Variants in FNIP1 observed in about 807,000 individuals in gnomAD.
FNIP1 encodes folliculin-interacting protein 1.
A neutral mutation model predicts 124.5 loss-of-function variants in FNIP1; 40 were observed. The observed-to-expected ratio is 0.32, with a 90% CI of 0.25 to 0.42. FNIP1 has a LOEUF of 0.42. Among genes scored for constraint, FNIP1 ranks in the 10% least tolerant of loss-of-function variants. The pLI is 1.00. For synonymous variants in FNIP1, 472 were observed against 470.6 expected, an observed-to-expected ratio of 1.00 and a Z score of -0.04; for missense variants, 1,176 against 1,403.7, an observed-to-expected ratio of 0.84 and a Z score of 2.59.
Position 131,682,972 on chromosome 5 carries a change from G to A in FNIP1, c.1203-3797C>T, listed in dbSNP as rs144065001. Among the ~76,000 whole-genome samples the A allele has an allele frequency of 1.2e-3, 183 of 152,158 alleles. 1 individual carries two copies. The highest frequency in any genetic ancestry group is 4.3e-3 in the African/African-American group (177 of 41,524). On this transcript the variant is annotated intron_variant, in intron 11 of 17. Coordinates refer to ENST00000510461, the MANE Select transcript of FNIP1 (RefSeq NM_133372.3). Reference sequence around the variant, plus strand: ...GTCTATATAAAAATCTAAAGACTTCGTCTTTGTTAGGCAGCAATGTTAACT... The same window carrying A: ...GTCTATATAAAAATCTAAAGACTTCATCTTTGTTAGGCAGCAATGTTAACT...
intron 1 of FNIP1, among the ~76,000 whole-genome samples, chr5:131,756,440 TACAC>T (rs1771054356): frequency 6.6e-6 from 1 of 152,062 alleles, no homozygotes; most frequent in African/African-American, 2.4e-5. Flanking sequence ...GTGTATGAAA[TACAC>T]AGGTGTATAA....
intron 10 of FNIP1, among the ~76,000 whole-genome samples, chr5:131,701,298 T>A: frequency 6.6e-6 from 1 of 152,226 alleles, no homozygotes; most frequent in Non-Finnish European, 1.5e-5. Context: ...GGACTGCTGC[T>A]TTAGGTTACA....
At chr5:131,738,885 T>G (rs1770411656) in intron 2 of FNIP1, among the ~76,000 whole-genome samples, 1 of 150,952 alleles carries the variant, frequency 6.6e-6, no homozygotes, top group South Asian at 2.1e-4. Context: ...GGCGTGATCC[T>G]GGCTCATTGC....
chr5:131,726,140 C>T (rs1769859351), intron 3 of FNIP1, among the ~76,000 whole-genome samples: 2 of 152,046 alleles, frequency 1.3e-5, no homozygotes, highest in African/African-American at 4.8e-5. Context: ...ATCAGGGATA[C>T]TGGCCTGAAA....
intron 10 of FNIP1, 117 bp downstream of exon 10, chr5:131,703,948 C>G (rs1768987774): frequency 2.4e-6 from 2 of 843,076 alleles, no homozygotes; most frequent in Admixed American, 2.9e-5. Flanking sequence ...CACCAGAGCA[C>G]TTTATAGGAC....
At chr5:131,699,945 T>C (rs1031854999) in intron 10 of FNIP1, among the ~76,000 whole-genome samples, 6 of 132,584 alleles carry the variant, frequency 4.5e-5, no homozygotes, top group Non-Finnish European at 9.8e-5. Context: ...AAAGGGAATA[T>C]AAAGATTCTA....
intron 1 of FNIP1, among the ~76,000 whole-genome samples, chr5:131,788,497 C>T (rs1036162262): frequency 1.3e-5 from 2 of 151,796 alleles, no homozygotes; most frequent in Admixed American, 1.3e-4. Flanking sequence ...GGTGAAACTC[C>T]CATCTCTACT....
intron 15 of FNIP1, among the ~76,000 whole-genome samples, chr5:131,657,688 TAAC>T (rs1240382143): frequency 7.1e-5 from 8 of 111,970 alleles, no homozygotes; most frequent in Admixed American, 5.3e-4. Flanking sequence ...ACACAGAACT[TAAC>T]AACAGAGCCC....
chr5:131,749,738 T>C (rs761175291), intron 1 of FNIP1, among the ~76,000 whole-genome samples: 1 of 152,118 alleles, frequency 6.6e-6, no homozygotes, highest in African/African-American at 2.4e-5. Flanking sequence ...TTTTCTATGT[T>C]TGGATATGTT....
At chr5:131,689,642 C>T (rs1768406948) in intron 11 of FNIP1, among the ~76,000 whole-genome samples, 1 of 151,698 alleles carries the variant, frequency 6.6e-6, no homozygotes, top group Admixed American at 6.6e-5. Context: ...AGGACAAACA[C>T]TAAAAAGTGA....
At chr5:131,699,203 C>G (rs1004958005) in intron 10 of FNIP1, among the ~76,000 whole-genome samples, 1 of 152,052 alleles carries the variant, frequency 6.6e-6, no homozygotes, top group Admixed American at 6.5e-5. Context: ...GAACAAAGTT[C>G]AAAATTTTTG....
At chr5:131,737,971 T>A (rs541294711) in intron 2 of FNIP1, among the ~76,000 whole-genome samples, 41 of 152,356 alleles carry the variant, frequency 2.7e-4, no homozygotes, top group African/African-American at 9.4e-4. Flanking sequence ...AGTGGGGATA[T>A]GGTTTCAGGA....
chr5:131,691,030 C>A (rs904247032), intron 11 of FNIP1, among the ~76,000 whole-genome samples: 2 of 152,124 alleles, frequency 1.3e-5, no homozygotes, highest in Admixed American at 6.5e-5. Context: ...TTATACAATA[C>A]CTCATCCAAA....
chr5:131,668,751 C>A (rs1279286976), intron 15 of FNIP1, among the ~76,000 whole-genome samples: 1 of 152,106 alleles, frequency 6.6e-6, no homozygotes, highest in Non-Finnish European at 1.5e-5. Flanking sequence ...GCTGAAAAGT[C>A]TCTGTCTCAA....
At chr5:131,789,737 T>C (rs901429164) in intron 1 of FNIP1, among the ~76,000 whole-genome samples, 8 of 152,264 alleles carry the variant, frequency 5.3e-5, no homozygotes, top group Admixed American at 3.9e-4. Context: ...ACACTTTCTT[T>C]TCTTGGCTTC....
In FNIP1 at chr5:131,672,764, T is replaced by C. The variant is rs1210849269; in HGVS notation, c.1680A>G (p.Glu560=). The change falls in exon 14 of 18, where the codon GAA becomes GAG. Residue 560 remains glutamate, a synonymous_variant. Coordinates refer to ENST00000510461, the MANE Select transcript of FNIP1 (RefSeq NM_133372.3). ...TTACTGTGCCTGGCATAACGATGGC[T>C]TCATCTTCTCCATTTTCTAAAAGAT... ...ETHLLENGED[E]AIVMPGTVIT... is the part of the protein sequence containing the mutation. The C allele has an allele frequency of 1.2e-6, 2 of 1,613,582 alleles. No individual in the cohort carries two copies. Among genetic ancestry groups the C allele is most frequent in the East Asian group, 4.5e-5 (2 of 44,872 alleles).
intron 2 of FNIP1, among the ~76,000 whole-genome samples, chr5:131,731,647 A>C (rs937622334): frequency 2.6e-5 from 4 of 151,914 alleles, no homozygotes; most frequent in Admixed American, 6.6e-5. Context: ...GTTTCAAAAA[A>C]AAAAACAAAA....
chr5:131,762,344 C>T (rs1318229397), intron 1 of FNIP1, among the ~76,000 whole-genome samples: 1 of 152,066 alleles, frequency 6.6e-6, no homozygotes, highest in African/African-American at 2.4e-5. Context: ...TTGCAAACCA[C>T]CCATCTGATG....
In FNIP1 at chr5:131,709,849, G is replaced by T. The variant is rs143082788; in HGVS notation, c.707-577C>A. Among the ~76,000 whole-genome samples the T allele has an allele frequency of 4.7e-3, 713 of 151,928 alleles. 8 individuals carry two copies. The highest frequency in any genetic ancestry group is 0.016 in the African/African-American group (677 of 41,456). On this transcript the variant is annotated intron_variant, in intron 7 of 17. Coordinates refer to ENST00000510461, the MANE Select transcript of FNIP1 (RefSeq NM_133372.3). ...TATTTTTTATATCTAATATTTACAG[G>T]GAAAGAAAATATTAATCAAAACAAG...
Sources: gnomAD v4.1 joint callset for allele counts (sites outside exome capture counted in the v4.1 genomes callset) on GRCh38, gnomAD v4.1.1 for gene constraint, MANE v1.5 for transcripts, NCBI Gene and HGNC (gene_info 2026-07-23, HGNC 2026-07-21) for gene names.